Variants in SYNC observed in about 807,000 individuals in gnomAD.
SYNC encodes syncoilin, intermediate filament protein, also known as syncoilin.
SYNC carries 38 observed loss-of-function variants against 49.5 expected under a neutral mutation model. That is an observed-to-expected ratio of 0.77 (90% confidence interval 0.59 to 1.01). The LOEUF is 1.01. Ranked by LOEUF, SYNC falls within the 50% of genes least tolerant of loss-of-function variation. SYNC has a pLI of 0.00. For synonymous variants in SYNC, 201 were observed against 230.8 expected (o/e 0.87, Z 1.17); for missense variants, 579 against 580.6 (o/e 1.00, Z 0.03).
intron 2 of SYNC, among the ~76,000 whole-genome samples, chr1:32,692,046 C>G (rs532637580): frequency 5.9e-5 from 9 of 152,104 alleles, no homozygotes; most frequent in Admixed American, 6.6e-5. Context: ...TCCTGGCTAA[C>G]ACGGTGAAAC....
Position 32,695,251 on chromosome 1 carries a change from G to A in SYNC, c.847C>T (p.Gln283Ter). 1 of 1,552,054 alleles carries A rather than the reference G, an allele frequency of 6.4e-7. No individual in the cohort carries two copies. The highest frequency in any genetic ancestry group is 2.4e-5 in the East Asian group (1 of 40,892). Reference protein sequence around the residue: ...FREVLTTRATQLSEELAQLRD... With the variant: ...FREVLTTRAT ...AGCTGGGCCAGTTCCTCTGAGAGCT[G>A]GGTTGCCCTTGTAGTCAGCACTTCC... is the stretch of plus-strand genomic sequence containing the variant. Residue 283 changes from glutamine to a stop codon, truncating the protein, a stop_gained, in exon 2 of 5, where the codon CAG becomes TAG. Transcript: ENST00000409190. LOFTEE classifies it high-confidence loss of function.
intron 4 of SYNC, 87 bp downstream of exon 4, chr1:32,683,923 C>T (rs975683805): frequency 1.2e-5 from 16 of 1,364,680 alleles, no homozygotes; most frequent in South Asian, 2.4e-5. Context: ...GTGAGCCACC[C>T]CGTCCGGCCT....
intron 2 of SYNC, among the ~76,000 whole-genome samples, chr1:32,690,569 G>A (rs360034): frequency 0.86 from 130,667 of 151,402 alleles, 57,904 homozygotes; most frequent in Non-Finnish European, 0.96. Context: ...CACTTGACCC[G>A]GGAGGCGGAG....
chr1:32,687,063 A>G (rs1056383553), intron 2 of SYNC, among the ~76,000 whole-genome samples: 3 of 152,180 alleles, frequency 2.0e-5, no homozygotes, highest in African/African-American at 4.8e-5. Context: ...ACTAGTCTAA[A>G]GAATACATAA....
intron 2 of SYNC, among the ~76,000 whole-genome samples, chr1:32,691,420 T>G (rs1003350729): frequency 1.4e-5 from 2 of 146,468 alleles, no homozygotes; most frequent in African/African-American, 2.5e-5. Context: ...GTCCATGGTG[T>G]TAGGCGCCTG....
chr1:32,690,334 T>C (rs1650099067), intron 2 of SYNC, among the ~76,000 whole-genome samples: 1 of 152,208 alleles, frequency 6.6e-6, no homozygotes, highest in Non-Finnish European at 1.5e-5. Flanking sequence ...TTTCTAATTA[T>C]TCTCCATTGC....
intron 2 of SYNC, among the ~76,000 whole-genome samples, chr1:32,686,963 G>A (rs778768629): frequency 2.0e-5 from 3 of 152,132 alleles, no homozygotes; most frequent in South Asian, 2.1e-4. Flanking sequence ...GAATAACTCC[G>A]CTTTTAACTG....
At chr1:32,688,172 G>C (rs957325395) in intron 2 of SYNC, among the ~76,000 whole-genome samples, 6 of 152,042 alleles carry the variant, frequency 3.9e-5, no homozygotes, top group African/African-American at 1.4e-4. Flanking sequence ...GCATCTTGAA[G>C]AGCCTGAGTA....
At chr1:32,687,861 A>ATTATTATTATTATTTTTT (rs1280120903) in intron 2 of SYNC, among the ~76,000 whole-genome samples, 36 of 146,442 alleles carry the variant, frequency 2.5e-4, no homozygotes, top group African/African-American at 7.1e-4. Flanking sequence ...TATTATTATT[A>ATTATTATTATTATTTTTT]TTTTTTGAGA....
chr1:32,688,085 T>C (rs1432933562), intron 2 of SYNC, among the ~76,000 whole-genome samples: 1 of 151,978 alleles, frequency 6.6e-6, no homozygotes, highest in African/African-American at 2.4e-5. Flanking sequence ...TCCACCTGCC[T>C]CGGCCTCCCA....
chr1:32,687,832 G>GAAAT (rs539392693), intron 2 of SYNC, among the ~76,000 whole-genome samples: 1 of 22,522 alleles, frequency 4.4e-5, no homozygotes, highest in Non-Finnish European at 1.0e-4. Context: ...CCTGCCCAGT[G>GAAAT]AATTATTATT....
chr1:32,697,201 G>A (rs1650470829), intron 1 of SYNC, among the ~76,000 whole-genome samples: 1 of 151,834 alleles, frequency 6.6e-6, no homozygotes, highest in African/African-American at 2.4e-5. Context: ...CAGCACTTTG[G>A]GAGGCCGAAT....
chr1:32,694,142 C>G (rs896868409), intron 2 of SYNC, among the ~76,000 whole-genome samples: 1 of 151,974 alleles, frequency 6.6e-6, no homozygotes, highest in African/African-American at 2.4e-5. Context: ...GCAGGAGGAT[C>G]GCTTGAGCCC....
chr1:32,694,975 G>A lies in SYNC; in HGVS notation c.1123C>T (p.Leu375=). Residue 375 remains leucine (L), a synonymous_variant, in exon 2 of 5, where the codon CTG becomes TTG. Coordinates refer to ENST00000409190, the MANE Select transcript of SYNC (RefSeq NM_030786.3). ...QAEIQEMKEA[L]RPLQAEARQL... ...CGGGCCTCTGCTTGCAGGGGTCTCAGAGCCTCCTTCATTTCCTGGATCTCA... is the reference window on the plus strand; with the variant it reads ...CGGGCCTCTGCTTGCAGGGGTCTCAAAGCCTCCTTCATTTCCTGGATCTCA... 1 of 1,614,056 alleles carries A rather than the reference G, an allele frequency of 6.2e-7. No homozygotes were observed. Among genetic ancestry groups the A allele is most frequent in the Non-Finnish European group, 8.5e-7 (1 of 1,180,020 alleles).
In SYNC at chr1:32,681,607, A is replaced by G; in HGVS notation, c.*243T>C. On this transcript the variant is annotated 3_prime_UTR_variant, in exon 5 of 5. Transcript: ENST00000409190. Reference sequence around the variant, plus strand: ...GGCTCATCTTTCCTTTCCTTGGTGCATTGAGATCAGTATCAACAGCAGATG... The same window carrying G: ...GGCTCATCTTTCCTTTCCTTGGTGCGTTGAGATCAGTATCAACAGCAGATG... 2 of 604,078 alleles carry G rather than the reference A, an allele frequency of 3.3e-6. No individual in the cohort carries two copies. The highest frequency in any genetic ancestry group is 2.8e-5 in the East Asian group (1 of 35,492). 37.4% of individuals were successfully genotyped at this position (604,078 alleles called of 1,614,324 possible).
chr1:32,689,812 G>A (rs1425942938), intron 2 of SYNC, among the ~76,000 whole-genome samples: 2 of 152,060 alleles, frequency 1.3e-5, no homozygotes, highest in South Asian at 2.1e-4. Context: ...GTGGTGGCGT[G>A]AGCCTGTAGT....
Position 32,684,047 on chromosome 1 carries a change from G to A in SYNC, c.1401C>T (p.Pro467=), listed in dbSNP as rs771653229. The A allele has an allele frequency of 1.7e-5, 28 of 1,614,084 alleles. No individual in the cohort carries two copies. The highest frequency in any genetic ancestry group is 1.4e-5 in the Non-Finnish European group (17 of 1,180,038). ...TCTCCATTCCACCTGCCTGAGAAGT[G>A]GGAGCATCAGCCTGTTCCAGGCTCT... ...LPKSLEQADA[P]TSQAGGMETQ... is the part of the protein sequence containing the mutation. Residue 467 remains proline (P), a synonymous_variant, in exon 4 of 5, where the codon CCC becomes CCT. Coordinates refer to ENST00000409190, the MANE Select transcript of SYNC (RefSeq NM_030786.3).
chr1:32,690,575 C>T (rs1407456246), intron 2 of SYNC, among the ~76,000 whole-genome samples: 7 of 149,742 alleles, frequency 4.7e-5, no homozygotes, highest in African/African-American at 1.7e-4. Flanking sequence ...ACCCGGGAGG[C>T]GGAGATTTCG....
chr1:32,700,975 G>A (rs1232402000), intron 1 of SYNC, among the ~76,000 whole-genome samples: 1 of 151,910 alleles, frequency 6.6e-6, no homozygotes, highest in Non-Finnish European at 1.5e-5. Flanking sequence ...GAGTGCAATG[G>A]TGTAATCTCC....
Sources: gnomAD v4.1 joint callset for allele counts (sites outside exome capture counted in the v4.1 genomes callset) on GRCh38, gnomAD v4.1.1 for gene constraint, MANE v1.5 for transcripts, NCBI Gene and HGNC (gene_info 2026-07-23, HGNC 2026-07-21) for gene names.